AXDND1: variants seen among roughly 807,000 people sequenced by gnomAD.
AXDND1 encodes the protein axonemal dynein light chain domain-containing protein 1.
AXDND1 carries 110 observed loss-of-function variants against 137.5 expected under a neutral mutation model. The observed-to-expected ratio is 0.80, with a 90% confidence interval of 0.69 to 0.94. The LOEUF (loss-of-function observed/expected upper bound fraction) is 0.94, where lower values mean the gene tolerates loss of function less well. Among genes scored for constraint, AXDND1 ranks in the 40% least tolerant of loss-of-function variants. AXDND1 has a pLI of 0.00. For missense variants in AXDND1, 1,191 were observed against 1,169.8 expected, an observed-to-expected ratio of 1.02 and a Z score of -0.26; for synonymous variants, 414 against 399.7, an observed-to-expected ratio of 1.04 and a Z score of -0.43.
At position 179,379,978 on chromosome 1, in the gene AXDND1, G is replaced by A. The variant is rs938599877; in HGVS notation, c.581+496G>A. 1.3e-4 allele frequency among the ~76,000 whole-genome samples: 20 copies of A among 151,928 alleles called. 1 individual carries two copies. The highest frequency in any genetic ancestry group is 3.1e-4 in the African/African-American group (13 of 41,392). On this transcript the variant is annotated intron_variant, in intron 6 of 25. Coordinates refer to ENST00000367618, the MANE Select transcript of AXDND1 (RefSeq NM_144696.6). ...AGAAAGATACAAATTGGCAGGGCGC[G>A]GTGGCTCACGCCTGTAATCCCAGCA...
chr1:179,403,452 C>G (rs1652418822), intron 11 of AXDND1, among the ~76,000 whole-genome samples: 1 of 152,170 alleles, frequency 6.6e-6, no homozygotes, highest in Non-Finnish European at 1.5e-5. Context: ...TGGTGTTATT[C>G]AAGGTTTATG....
intron 25 of AXDND1, chr1:179,551,572 A>G (rs1335459994): frequency 8.9e-7 from 1 of 1,125,792 alleles, no homozygotes; most frequent in Non-Finnish European, 1.3e-6. Flanking sequence ...ACGGTTAAGC[A>G]TAGAACATGT....
At chr1:179,437,746 A>G (rs550510887) in intron 15 of AXDND1, among the ~76,000 whole-genome samples, 1 of 152,342 alleles carries the variant, frequency 6.6e-6, no homozygotes, top group African/African-American at 2.4e-5. Context: ...AGATAGGTCC[A>G]AGGGTTGAGG....
intron 12 of AXDND1, among the ~76,000 whole-genome samples, chr1:179,413,729 A>G (rs1654252947): frequency 6.6e-6 from 1 of 152,190 alleles, no homozygotes; most frequent in Non-Finnish European, 1.5e-5. Flanking sequence ...CTTTTTGATT[A>G]AATGATTTCT....
intron 12 of AXDND1, among the ~76,000 whole-genome samples, chr1:179,425,544 G>C (rs1047841691): frequency 6.6e-6 from 1 of 151,524 alleles, no homozygotes; most frequent in South Asian, 2.1e-4. Flanking sequence ...TCCTGCCAAG[G>C]AATCAACATG....
intron 11 of AXDND1, among the ~76,000 whole-genome samples, chr1:179,402,232 G>A (rs1652210189): frequency 6.6e-6 from 1 of 150,756 alleles, no homozygotes; most frequent in South Asian, 2.1e-4. Context: ...GGACTAATAT[G>A]TAACATGAGA....
chr1:179,433,311 A>G (rs1657664270), intron 15 of AXDND1, among the ~76,000 whole-genome samples: 1 of 152,146 alleles, frequency 6.6e-6, no homozygotes, highest in Admixed American at 6.5e-5. Flanking sequence ...TTCAAAAAAA[A>G]TAGCTCCTGG....
At chr1:179,421,899 G>C (rs868417426) in intron 12 of AXDND1, among the ~76,000 whole-genome samples, 9 of 151,922 alleles carry the variant, frequency 5.9e-5, no homozygotes, top group Middle Eastern at 6.8e-3. Context: ...AATTAGCCAG[G>C]CATGGTGGCA....
At chr1:179,530,909 C>A (rs1160797255) in intron 23 of AXDND1, among the ~76,000 whole-genome samples, 1 of 152,174 alleles carries the variant, frequency 6.6e-6, no homozygotes, top group Non-Finnish European at 1.5e-5. Context: ...AATCAATTAG[C>A]TGGGACCACA....
chr1:179,536,415 C>T (rs1187952507), intron 25 of AXDND1, among the ~76,000 whole-genome samples: 2 of 152,320 alleles, frequency 1.3e-5, no homozygotes, highest in Admixed American at 6.5e-5. Context: ...GATCCAGTTT[C>T]AGCTTTCTGC....
Position 179,508,590 on chromosome 1 carries a change from C to G in AXDND1, c.2389-706C>G, listed in dbSNP as rs114777087. ...GGAGATCTTGGTAAATACAGTTTAA[C>G]TATTTACCTTAGGGGATTAAAACCT... is the stretch of plus-strand genomic sequence containing the variant. On this transcript the variant is annotated intron_variant, in intron 20 of 25. Transcript: ENST00000367618. 2.2e-3 allele frequency among the ~76,000 whole-genome samples: 335 copies of G among 152,216 alleles called. 3 individuals carry two copies. Among genetic ancestry groups the G allele is most frequent in the Admixed American group, 3.5e-3 (53 of 15,276 alleles).
At chr1:179,539,017 C>T (rs896219508) in intron 25 of AXDND1, among the ~76,000 whole-genome samples, 1 of 151,756 alleles carries the variant, frequency 6.6e-6, no homozygotes, top group Non-Finnish European at 1.5e-5. Flanking sequence ...ATTTCAACCC[C>T]TTTTTTTTGT....
Position 179,366,503 on chromosome 1 carries a change from G to A in AXDND1, c.-7G>A. 8 of 1,602,522 alleles carry A rather than the reference G, an allele frequency of 5.0e-6. No homozygotes were observed. Among genetic ancestry groups the A allele is most frequent in the Non-Finnish European group, 5.1e-6 (6 of 1,169,874 alleles). ...AATTACTAAAGAGATAGGAGGCATTGTTTATTATGTCTCTCCCGAAAACGC... is the reference window on the plus strand; with the variant it reads ...AATTACTAAAGAGATAGGAGGCATTATTTATTATGTCTCTCCCGAAAACGC... On this transcript the variant is annotated 5_prime_UTR_variant, in exon 2 of 26. Coordinates refer to ENST00000367618, the MANE Select transcript of AXDND1 (RefSeq NM_144696.6).
Position 179,533,872 on chromosome 1 carries a change from G to A in AXDND1, c.2793G>A (p.Lys931=). 1 of 1,612,204 alleles carries A rather than the reference G, an allele frequency of 6.2e-7. No individual in the cohort carries two copies. The highest frequency in any genetic ancestry group is 8.5e-7 in the Non-Finnish European group (1 of 1,178,576). The change falls in exon 24 of 26, where the codon AAG becomes AAA. Residue 931 remains lysine (K), a synonymous_variant. Transcript: ENST00000367618. The part of the protein sequence containing the change: ...AMAVIEHMQE[K]LLEVENRARQ... ...CTGTAATTGAACATATGCAGGAGAA[G>A]TTACTGTAAGTATGAGTCAACACAA...
At chr1:179,490,194 T>C (rs144795895) in intron 18 of AXDND1, among the ~76,000 whole-genome samples, 14 of 152,270 alleles carry the variant, frequency 9.2e-5, no homozygotes, top group African/African-American at 3.4e-4. Flanking sequence ...CAAATGACTA[T>C]AACAGAGATA....
intron 11 of AXDND1, among the ~76,000 whole-genome samples, chr1:179,405,092 G>C (rs1288481830): frequency 6.6e-6 from 1 of 151,604 alleles, no homozygotes; most frequent in East Asian, 1.9e-4. Context: ...ACCCCCAACA[G>C]GCCTGATGTG....
At chr1:179,424,167 C>T (rs1571772677) in intron 12 of AXDND1, among the ~76,000 whole-genome samples, 2 of 152,072 alleles carry the variant, frequency 1.3e-5, no homozygotes, top group South Asian at 4.1e-4. Context: ...TCTTACAGCA[C>T]TTTGAAAATG....
At chr1:179,498,977 G>A (rs375996558) in intron 20 of AXDND1, among the ~76,000 whole-genome samples, 2 of 152,138 alleles carry the variant, frequency 1.3e-5, no homozygotes, top group African/African-American at 4.8e-5. Flanking sequence ...ATTCACTGTT[G>A]TTGGGAATGT....
chr1:179,530,747 C>T (rs916012198), intron 23 of AXDND1, among the ~76,000 whole-genome samples: 2 of 152,142 alleles, frequency 1.3e-5, no homozygotes, highest in Non-Finnish European at 2.9e-5. Flanking sequence ...GGAGAAAGAA[C>T]TAAAATGCCA....
Sources: gnomAD v4.1 joint callset for allele counts (sites outside exome capture counted in the v4.1 genomes callset) on GRCh38, gnomAD v4.1.1 for gene constraint, MANE v1.5 for transcripts, NCBI Gene and HGNC (gene_info 2026-07-23, HGNC 2026-07-21) for gene names.